NOSTRIN: variants seen among roughly 807,000 people sequenced by gnomAD.
NOSTRIN encodes the protein BM247 homolog.
NOSTRIN carries 63 observed loss-of-function variants against 59.0 expected under a neutral mutation model. That is an observed-to-expected ratio of 1.07 (90% CI 0.87 to 1.32). The LOEUF is 1.32. Ranked by LOEUF, NOSTRIN falls within the 40% of genes most tolerant of loss-of-function variation. The pLI is 0.00. For synonymous variants in NOSTRIN, 200 were observed against 165.4 expected (o/e 1.21, Z -1.61); for missense variants, 512 against 473.1 (o/e 1.08, Z -0.76).
intron 1 of NOSTRIN, among the ~76,000 whole-genome samples, chr2:168,807,539 T>G (rs1685920441): frequency 6.6e-6 from 1 of 152,188 alleles, no homozygotes; most frequent in Non-Finnish European, 1.5e-5. Flanking sequence ...GGATCAAGGG[T>G]AAAGATTCTC....
intron 1 of NOSTRIN, among the ~76,000 whole-genome samples, chr2:168,787,652 A>C (rs1251054118): frequency 2.0e-5 from 3 of 152,218 alleles, no homozygotes; most frequent in African/African-American, 4.8e-5. Context: ...GCAGGTGCCC[A>C]ATAAATTCCT....
At chr2:168,824,374 T>C (rs1311313005) in intron 2 of NOSTRIN, among the ~76,000 whole-genome samples, 1 of 151,740 alleles carries the variant, frequency 6.6e-6, no homozygotes, top group African/African-American at 2.4e-5. Flanking sequence ...TCTCAGCTCA[T>C]TGTAACATCC....
chr2:168,794,170 A>C (rs559161971), upstream of NOSTRIN, among the ~76,000 whole-genome samples: 22 of 152,302 alleles, frequency 1.4e-4, no homozygotes, highest in African/African-American at 5.1e-4. Flanking sequence ...ATGGTGCTTC[A>C]TAAGACATCC....
intron 1 of NOSTRIN, chr2:168,811,317 A>C: frequency 8.5e-6 from 2 of 235,400 alleles, no homozygotes; most frequent in Non-Finnish European, 1.6e-5. Flanking sequence ...AATTGTTTGC[A>C]TTTGGCCAAG....
At position 168,850,795 on chromosome 2, in the gene NOSTRIN, G is replaced by A. The variant is rs1396411467; in HGVS notation, c.631-289G>A. ...TGGAATCCATGATTGTGTCTCAAAT[G>A]CTTCCTTTTCTTCTTTTCTCCCCCT... On this transcript the variant is annotated intron_variant, in intron 8 of 15. Coordinates refer to ENST00000317647, the MANE Select transcript of NOSTRIN (RefSeq NM_001039724.4). 8 of 760,114 alleles carry A rather than the reference G, an allele frequency of 1.1e-5. No individual in the cohort carries two copies. In the East Asian group the frequency reaches 2.1e-4, roughly 20 times the overall value. The allele number at this position is 760,114 out of a possible 1,614,324, so 47.1% of individuals were successfully genotyped here. A position where few individuals can be genotyped will look rare whatever the true frequency, so the allele number is the denominator to read the frequency against.
chr2:168,790,402 G>A (rs890175537), intron 2 of NOSTRIN, among the ~76,000 whole-genome samples: 5 of 152,158 alleles, frequency 3.3e-5, no homozygotes, highest in Non-Finnish European at 5.9e-5. Context: ...ACTCTACAGC[G>A]AAGCAGCCTG....
At chr2:168,854,553 C>T (rs1372296239) in intron 10 of NOSTRIN, among the ~76,000 whole-genome samples, 1 of 152,202 alleles carries the variant, frequency 6.6e-6, no homozygotes, top group African/African-American at 2.4e-5. Flanking sequence ...AAAATTCCTA[C>T]ATCAGCCCTA....
Position 168,834,325 on chromosome 2 carries a change from G to A in NOSTRIN, c.504G>A (p.Lys168=), listed in dbSNP as rs1200135011. ...KQSMTEKEKR[K]LLNKLTKSTE... ...CTATGACTGAGAAGGAGAAGCGGAA[G>A]GTAAGCTGTCATGGCTGGCTGGGCG... The change falls in exon 7 of 16, where the codon AAG becomes AAA. Residue 168 remains lysine, a splice_region_variant and synonymous_variant. Transcript: ENST00000317647. 1 of 872,406 alleles carries A rather than the reference G, an allele frequency of 1.1e-6. No homozygotes were observed. Among genetic ancestry groups the A allele is most frequent in the African/African-American group, 1.6e-5 (1 of 61,296 alleles). 54.0% of individuals were successfully genotyped at this position (872,406 alleles called of 1,614,324 possible).
At chr2:168,805,589 C>T (rs1365938145) in intron 1 of NOSTRIN, among the ~76,000 whole-genome samples, 1 of 152,162 alleles carries the variant, frequency 6.6e-6, no homozygotes, top group Non-Finnish European at 1.5e-5. Flanking sequence ...CAAGCTGTAG[C>T]CAAATTTTTG....
intron 8 of NOSTRIN, among the ~76,000 whole-genome samples, chr2:168,849,199 C>T (rs893030505): frequency 4.6e-5 from 7 of 152,276 alleles, no homozygotes; most frequent in Admixed American, 2.6e-4. Context: ...GTGTTACCCA[C>T]CAACTTCTCC....
chr2:168,863,735 G>A, intron 15 of NOSTRIN: 1 of 845,616 alleles, frequency 1.2e-6, no homozygotes, highest in South Asian at 5.5e-5. Flanking sequence ...TTGATCTTAA[G>A]AAAAGACTGT....
intron 13 of NOSTRIN, among the ~76,000 whole-genome samples, 156 bp downstream of exon 13, chr2:168,859,793 A>G (rs1689332153): frequency 6.6e-6 from 1 of 152,226 alleles, no homozygotes; most frequent in Admixed American, 6.5e-5. Flanking sequence ...TTTTCTTTTG[A>G]GCACAATAAC....
chr2:168,796,607 A>G (rs1248593308), upstream of NOSTRIN, among the ~76,000 whole-genome samples: 1 of 152,198 alleles, frequency 6.6e-6, no homozygotes, highest in Non-Finnish European at 1.5e-5. Flanking sequence ...CTTCGATTTT[A>G]TTCTCAGTCC....
chr2:168,862,072 T>G (rs1362930496), intron 15 of NOSTRIN, 23 bp downstream of exon 15: 1 of 1,594,874 alleles, frequency 6.3e-7, no homozygotes, highest in Non-Finnish European at 8.6e-7. Context: ...CTCAAATATT[T>G]TAATTGCCTT....
intron 5 of NOSTRIN, among the ~76,000 whole-genome samples, chr2:168,829,460 A>AG (rs1687243826): frequency 6.6e-6 from 1 of 152,088 alleles, no homozygotes; most frequent in African/African-American, 2.4e-5. Context: ...AGCTGACATT[A>AG]CAGGTGCCTG....
chr2:168,831,272 C>T (rs1687346333), intron 5 of NOSTRIN, among the ~76,000 whole-genome samples, 200 bp from the exon 6 acceptor site: 1 of 152,124 alleles, frequency 6.6e-6, no homozygotes, highest in Admixed American at 6.6e-5. Context: ...CTTGGGGTCT[C>T]TTTTATAAGG....
chr2:168,805,714 C>T (rs1685817275), intron 1 of NOSTRIN, among the ~76,000 whole-genome samples: 1 of 152,152 alleles, frequency 6.6e-6, no homozygotes, highest in African/African-American at 2.4e-5. Flanking sequence ...CACCAGGCTG[C>T]TCCTCAGGTT....
chr2:168,863,650 T>C (rs1183869843), intron 15 of NOSTRIN: 2 of 942,470 alleles, frequency 2.1e-6, no homozygotes, highest in Non-Finnish European at 2.4e-6. Flanking sequence ...GAATGGGGAG[T>C]TACATTTCTG....
intron 14 of NOSTRIN, 152 bp downstream of exon 14, chr2:168,861,061 C>G (rs76302666): frequency 3.4e-6 from 2 of 589,470 alleles, no homozygotes. Flanking sequence ...GACTCTGTAG[C>G]TTTATGTAAA....
Sources: gnomAD v4.1 joint callset for allele counts (sites outside exome capture counted in the v4.1 genomes callset) on GRCh38, gnomAD v4.1.1 for gene constraint, MANE v1.5 for transcripts, NCBI Gene and HGNC (gene_info 2026-07-23, HGNC 2026-07-21) for gene names.